Variants in UNC5D observed in about 807,000 individuals in gnomAD.
The protein encoded by UNC5D is unc-5 netrin receptor D.
UNC5D carries 39 observed loss-of-function variants against 105.4 expected under a neutral mutation model. The observed-to-expected ratio is 0.37, with a 90% CI of 0.29 to 0.48. The LOEUF (loss-of-function observed/expected upper bound fraction) is 0.48. Among genes scored for constraint, UNC5D ranks in the 20% least tolerant of loss-of-function variants. The pLI is 0.98. For synonymous variants in UNC5D, 452 were observed against 450.4 expected, an observed-to-expected ratio of 1.00 and a Z score of -0.04; for missense variants, 991 against 1,202.4, an observed-to-expected ratio of 0.82 and a Z score of 2.60.
chr8:35,394,015 C>T (rs766873406), intron 1 of UNC5D, among the ~76,000 whole-genome samples: 1 of 151,946 alleles, frequency 6.6e-6, no homozygotes, highest in African/African-American at 2.4e-5. Flanking sequence ...TTTTCTCTCT[C>T]TCACTCGTTT....
intron 1 of UNC5D, among the ~76,000 whole-genome samples, chr8:35,475,676 A>G (rs774537809): frequency 3.9e-5 from 6 of 152,140 alleles, no homozygotes; most frequent in African/African-American, 1.2e-4. Context: ...TCTGCTTTGC[A>G]TTGTGTTTTA....
chr8:35,598,935 G>C (rs1265380570), intron 4 of UNC5D, among the ~76,000 whole-genome samples: 28 of 152,046 alleles, frequency 1.8e-4, no homozygotes, highest in Non-Finnish European at 4.4e-5. Context: ...CTGAGGTCAG[G>C]AGTTTGAGAC....
intron 1 of UNC5D, among the ~76,000 whole-genome samples, chr8:35,543,837 A>G (rs2130647115): frequency 6.6e-6 from 1 of 152,280 alleles, no homozygotes; most frequent in South Asian, 2.1e-4. Flanking sequence ...TTTAAGGTAA[A>G]TGTCATTCTT....
intron 1 of UNC5D, among the ~76,000 whole-genome samples, chr8:35,540,668 G>T (rs1015191544): frequency 2.0e-5 from 3 of 152,152 alleles, no homozygotes; most frequent in African/African-American, 7.2e-5. Context: ...ATCACTGTAT[G>T]TTTCCATTAG....
chr8:35,533,146 T>C (rs1292469935), intron 1 of UNC5D, among the ~76,000 whole-genome samples: 1 of 152,112 alleles, frequency 6.6e-6, no homozygotes, highest in African/African-American at 2.4e-5. Context: ...TTTCCAGTTT[T>C]TCTGTTCTGT....
At chr8:35,396,035 G>A (rs1804076179) in intron 1 of UNC5D, among the ~76,000 whole-genome samples, 1 of 152,162 alleles carries the variant, frequency 6.6e-6, no homozygotes, top group African/African-American at 2.4e-5. Flanking sequence ...ATACCAATTT[G>A]TAGAGCATTT....
At chr8:35,484,350 A>C (rs946871156) in intron 1 of UNC5D, among the ~76,000 whole-genome samples, 3 of 152,114 alleles carry the variant, frequency 2.0e-5, no homozygotes, top group African/African-American at 7.2e-5. Flanking sequence ...CTCAAGCCAG[A>C]ATCTTTAGTT....
At chr8:35,654,890 C>T (rs905099150) in intron 4 of UNC5D, among the ~76,000 whole-genome samples, 8 of 152,046 alleles carry the variant, frequency 5.3e-5, no homozygotes, top group South Asian at 2.1e-4. Context: ...TTTCTCAGAT[C>T]GAAAGCAAGG....
intron 1 of UNC5D, among the ~76,000 whole-genome samples, chr8:35,342,786 A>G (rs1222220166): frequency 1.3e-5 from 2 of 152,098 alleles, no homozygotes; most frequent in Non-Finnish European, 2.9e-5. Flanking sequence ...TTTAGATTCT[A>G]TGCTAGTTAA....
chr8:35,523,226 G>A (rs1813612469), intron 1 of UNC5D, among the ~76,000 whole-genome samples: 1 of 151,740 alleles, frequency 6.6e-6, no homozygotes, highest in East Asian at 1.9e-4. Context: ...AGAACTACAG[G>A]CACACACCAC....
At chr8:35,513,223 CTTTT>C (rs35988823) in intron 1 of UNC5D, among the ~76,000 whole-genome samples, 2 of 134,128 alleles carry the variant, frequency 1.5e-5, no homozygotes, top group Admixed American at 7.6e-5. Context: ...TTGGACCCTC[CTTTT>C]TTTTTTTTTT....
intron 15 of UNC5D, among the ~76,000 whole-genome samples, chr8:35,768,626 C>T (rs1801876821): frequency 6.6e-6 from 1 of 152,214 alleles, no homozygotes; most frequent in Admixed American, 6.5e-5. Flanking sequence ...TAGTGATCAA[C>T]TTGTGCTATT....
intron 4 of UNC5D, among the ~76,000 whole-genome samples, chr8:35,615,627 A>AT (rs1256683315): frequency 2.0e-5 from 3 of 152,086 alleles, no homozygotes; most frequent in Non-Finnish European, 2.9e-5. Flanking sequence ...TAAGGACAGC[A>AT]TTTTTTTCCC....
intron 8 of UNC5D, chr8:35,721,530 G>C (rs894886162): frequency 5.7e-6 from 4 of 702,712 alleles, no homozygotes; most frequent in Non-Finnish European, 1.0e-5. Context: ...TAAATTATTA[G>C]AGTCTAGCAT....
chr8:35,572,364 A>T lies in UNC5D; in HGVS notation c.466+4123A>T, dbSNP rs188605541. Among the ~76,000 whole-genome samples the T allele has an allele frequency of 8.2e-4, 124 of 151,768 alleles. 1 individual carries two copies. In the East Asian group the frequency reaches 0.02, roughly 25 times the overall value. On this transcript the variant is annotated intron_variant, in intron 3 of 16. Coordinates refer to ENST00000404895, the MANE Select transcript of UNC5D (RefSeq NM_080872.4). ...GGGCTTAACCTCTATGGCATCTGGGACAATTCAGCTGAGGGATCCATTGAC... is the reference window on the plus strand; with the variant it reads ...GGGCTTAACCTCTATGGCATCTGGGTCAATTCAGCTGAGGGATCCATTGAC...
intron 1 of UNC5D, among the ~76,000 whole-genome samples, chr8:35,473,325 G>A (rs1484713847): frequency 2.0e-5 from 3 of 152,152 alleles, no homozygotes; most frequent in African/African-American, 7.2e-5. Flanking sequence ...TACTCTAGAA[G>A]ATAAGTTCCA....
chr8:35,441,239 T>C (rs1461545448), intron 1 of UNC5D, among the ~76,000 whole-genome samples: 1 of 151,964 alleles, frequency 6.6e-6, no homozygotes, highest in East Asian at 1.9e-4. Context: ...TTCCTAGCTT[T>C]CAATTACCTG....
At chr8:35,664,539 C>T (rs963758957) in intron 4 of UNC5D, among the ~76,000 whole-genome samples, 1 of 152,020 alleles carries the variant, frequency 6.6e-6, no homozygotes, top group Non-Finnish European at 1.5e-5. Context: ...CCACCACGCC[C>T]AGATAATTTT....
chr8:35,682,406 T>TG (rs1825730680), intron 4 of UNC5D, among the ~76,000 whole-genome samples: 9 of 152,242 alleles, frequency 5.9e-5, no homozygotes, highest in Admixed American at 5.9e-4. Flanking sequence ...TGTATGCTCC[T>TG]GTGTGACTTC....
Sources: gnomAD v4.1 joint callset for allele counts (sites outside exome capture counted in the v4.1 genomes callset) on GRCh38, gnomAD v4.1.1 for gene constraint, MANE v1.5 for transcripts, NCBI Gene and HGNC (gene_info 2026-07-23, HGNC 2026-07-21) for gene names.